The following CNIH3 variants were observed in gnomAD, a reference collection of about 807,000 sequenced individuals.
CNIH3 encodes protein cornichon homolog 3.
Under a neutral mutation model 24.1 loss-of-function variants are expected in CNIH3, and 14 were observed. That is an observed-to-expected ratio of 0.58 (90% confidence interval 0.38 to 0.91). The LOEUF (loss-of-function observed/expected upper bound fraction) is 0.91, where lower values mean the gene tolerates loss of function less well. Ranked by LOEUF, CNIH3 falls within the 40% of genes least tolerant of loss-of-function variation. The pLI is 0.00. For synonymous variants in CNIH3, 68 were observed against 73.8 expected (o/e 0.92, Z 0.40); for missense variants, 178 against 196.8 (o/e 0.90, Z 0.57).
At chr1:224,694,601 C>T (rs951305157) in intron 3 of CNIH3, among the ~76,000 whole-genome samples, 1 of 152,138 alleles carries the variant, frequency 6.6e-6, no homozygotes, top group Non-Finnish European at 1.5e-5. Context: ...TTAAATCAGA[C>T]TTTCATTATA....
chr1:224,613,694 CACA>C (rs539128409), upstream of CNIH3, among the ~76,000 whole-genome samples: 71 of 152,214 alleles, frequency 4.7e-4, no homozygotes, highest in African/African-American at 1.6e-3. Context: ...GGCACTTCTC[CACA>C]ACACTCTCTT....
intron 1 of CNIH3, among the ~76,000 whole-genome samples, chr1:224,476,910 A>T (rs1676609217): frequency 6.6e-6 from 1 of 152,174 alleles, no homozygotes; most frequent in South Asian, 2.1e-4. Flanking sequence ...TTTACATTCA[A>T]TGTTAGTTTT....
intron 1 of CNIH3, 24 bp downstream of exon 1, chr1:224,617,279 C>G: frequency 6.2e-7 from 1 of 1,607,764 alleles, no homozygotes; most frequent in South Asian, 1.1e-5. Context: ...TTTGGTCTCT[C>G]TTCTTTCGCC....
chr1:224,700,507 T>G (rs1039866931), intron 3 of CNIH3, among the ~76,000 whole-genome samples: 1 of 152,180 alleles, frequency 6.6e-6, no homozygotes. Flanking sequence ...GAATGGCAAA[T>G]AGAGTGAATA....
intron 3 of CNIH3, among the ~76,000 whole-genome samples, chr1:224,709,337 GTACCTCAAAC>G (rs1276966550): frequency 1.3e-5 from 2 of 152,148 alleles, no homozygotes; most frequent in East Asian, 3.8e-4. Flanking sequence ...TTTACTCATT[GTACCTCAAAC>G]TCAGTCTTGG....
At chr1:224,618,439 T>C (rs1333670812) in intron 1 of CNIH3, among the ~76,000 whole-genome samples, 1 of 152,212 alleles carries the variant, frequency 6.6e-6, no homozygotes, top group Non-Finnish European at 1.5e-5. Context: ...AATGAAGACG[T>C]GGAGAAAATT....
At chr1:224,701,924 T>G (rs1687511842) in intron 3 of CNIH3, among the ~76,000 whole-genome samples, 1 of 152,198 alleles carries the variant, frequency 6.6e-6, no homozygotes, top group Non-Finnish European at 1.5e-5. Flanking sequence ...TTTTCACTAG[T>G]AAAATGATGC....
At chr1:224,625,460 G>T (rs1418530968) in intron 1 of CNIH3, among the ~76,000 whole-genome samples, 2 of 152,234 alleles carry the variant, frequency 1.3e-5, no homozygotes, top group African/African-American at 4.8e-5. Context: ...GGATGCTGAG[G>T]CAGGGGAATG....
chr1:224,671,212 T>C (rs1165046387), intron 1 of CNIH3, among the ~76,000 whole-genome samples: 1 of 152,224 alleles, frequency 6.6e-6, no homozygotes, highest in Non-Finnish European at 1.5e-5. Flanking sequence ...GTTGGTTCTG[T>C]TTCTCTAGGG....
chr1:224,509,332 C>T (rs538408536), intron 1 of CNIH3, among the ~76,000 whole-genome samples: 173 of 151,748 alleles, frequency 1.1e-3, no homozygotes, highest in Non-Finnish European at 7.9e-4. Context: ...GATAGAAAGA[C>T]GAAAGGAAAG....
At chr1:224,733,467 C>T (rs1231578001) in intron 4 of CNIH3, among the ~76,000 whole-genome samples, 8 of 152,204 alleles carry the variant, frequency 5.3e-5, no homozygotes, top group South Asian at 4.1e-4. Context: ...CAGTTGTCAT[C>T]GAATCTGGCT....
rs56248229 is a variant in CNIH3, at chr1:224,443,711, A to ATTTTTTTTT, written n.203+8856_203+8857insTTTTTTTTT. Among the ~76,000 whole-genome samples the ATTTTTTTTT allele has an allele frequency of 3.6e-3, 537 of 149,488 alleles. 1 individual carries two copies. The highest frequency in any genetic ancestry group is 5.8e-3 in the Non-Finnish European group (390 of 67,364). On this transcript the variant is annotated intron_variant and non_coding_transcript_variant, in intron 1 of 5. Coordinates refer to the CNIH3 transcript ENST00000471578. ...TCTATAGATATAGATATATATATAT[A>ATTTTTTTTT]TTTTTTTAGGCTGCTTCTCTGAGAG...
At position 224,528,992 on chromosome 1, in the gene CNIH3, T is replaced by C. The variant is rs141665540; in HGVS notation, n.343+7665T>C. On this transcript the variant is annotated intron_variant and non_coding_transcript_variant, in intron 2 of 2. Transcript: ENST00000470602. ...CATGTGCTTATGGTAGGCAGACTGC[T>C]GGCATCACTGTTTCATGGACTGTGT... 3.1e-3 allele frequency among the ~76,000 whole-genome samples: 472 copies of C among 152,314 alleles called. 1 individual carries two copies. Among genetic ancestry groups the C allele is most frequent in the Non-Finnish European group, 5.1e-3 (349 of 68,020 alleles).
At chr1:224,463,773 ATTTTTTTTTTTTT>A (rs56137320) in intron 1 of CNIH3, among the ~76,000 whole-genome samples, 9 of 20,706 alleles carry the variant, frequency 4.3e-4, no homozygotes, top group African/African-American at 1.8e-3. Flanking sequence ...AATTGTCCTC[ATTTTTTTTTTTTT>A]TTTTTTTTTT....
At chr1:224,515,324 T>C (rs1678336092), upstream of CNIH3, among the ~76,000 whole-genome samples, 2 of 152,198 alleles carry the variant, frequency 1.3e-5, no homozygotes, top group South Asian at 4.1e-4. Context: ...CATTGTAAAG[T>C]ATACACAAAT....
chr1:224,731,007 G>A (rs1689297766), intron 4 of CNIH3, among the ~76,000 whole-genome samples: 1 of 152,050 alleles, frequency 6.6e-6, no homozygotes, highest in Admixed American at 6.6e-5. Context: ...GACACAAAAG[G>A]CCACATATTT....
intron 4 of CNIH3, among the ~76,000 whole-genome samples, chr1:224,573,226 T>C (rs1286942265): frequency 6.6e-6 from 1 of 152,206 alleles, no homozygotes; most frequent in Non-Finnish European, 1.5e-5. Context: ...ACTTATGGTT[T>C]TGTTGATTTT....
chr1:224,578,077 C>T (rs537669353), intron 4 of CNIH3, among the ~76,000 whole-genome samples: 10 of 152,044 alleles, frequency 6.6e-5, no homozygotes, highest in South Asian at 2.1e-4. Flanking sequence ...GTACACTGCT[C>T]GGATGAAGGG....
chr1:224,695,390 A>ACC (rs1465165943), intron 3 of CNIH3, among the ~76,000 whole-genome samples: 1 of 100,752 alleles, frequency 9.9e-6, no homozygotes, highest in Non-Finnish European at 2.2e-5. Context: ...ACACACACAC[A>ACC]CACACCCCTG....
Sources: allele counts gnomAD v4.1 joint callset (sites outside exome capture counted in the v4.1 genomes callset), GRCh38; gene constraint gnomAD v4.1.1; transcripts MANE v1.5; gene names NCBI Gene and HGNC (gene_info 2026-07-23, HGNC 2026-07-21).